Variants in LIPA observed in about 807,000 individuals in gnomAD.
The protein encoded by LIPA is lipase A, lysosomal acid type, also known as lysosomal acid lipase/cholesteryl ester hydrolase.
LIPA carries 26 observed loss-of-function variants against 40.6 expected under a neutral mutation model. The observed-to-expected ratio is 0.64, with a 90% CI of 0.47 to 0.89. LIPA has a LOEUF of 0.89. Among genes scored for constraint, LIPA ranks in the 40% least tolerant of loss-of-function variants. LIPA has a pLI of 0.00. For synonymous variants in LIPA, 188 were observed against 168.4 expected (o/e 1.12, Z -0.90); for missense variants, 455 against 479.6 (o/e 0.95, Z 0.48).
In LIPA at chr10:89,385,717, C is replaced by A. The variant is rs143180274; in HGVS notation, c.61+27074G>T. ...GGGACCTGCTGGTCAGTGAGCCAAG[C>A]CTTATAATAAATTCAAATTTTTGTT... is the stretch of plus-strand genomic sequence containing the variant. On this transcript the variant is annotated intron_variant, in intron 2 of 8. Transcript: ENST00000371837. 5.4e-3 allele frequency among the ~76,000 whole-genome samples: 818 copies of A among 152,264 alleles called. 10 individuals carry two copies. The highest frequency in any genetic ancestry group is 0.017 in the African/African-American group (698 of 41,554).
intron 1 of LIPA, among the ~76,000 whole-genome samples, chr10:89,286,654 T>C (rs1458180897): frequency 6.6e-6 from 1 of 152,214 alleles, no homozygotes; most frequent in Non-Finnish European, 1.5e-5. Context: ...TTTACAGCCC[T>C]AGACCCTGAA....
At chr10:89,336,785 C>G (rs948098170) in intron 1 of LIPA, among the ~76,000 whole-genome samples, 2 of 152,022 alleles carry the variant, frequency 1.3e-5, no homozygotes, top group Non-Finnish European at 2.9e-5. Context: ...CTGTGAAATC[C>G]AAAAATAAGG....
intron 3 of LIPA, among the ~76,000 whole-genome samples, chr10:89,240,981 AT>A (rs1842958700): frequency 6.6e-6 from 1 of 152,190 alleles, no homozygotes; most frequent in African/African-American, 2.4e-5. Context: ...CACACACATC[AT>A]CACCTACATA....
At chr10:89,312,911 G>A (rs1252419061) in intron 1 of LIPA, among the ~76,000 whole-genome samples, 3 of 152,062 alleles carry the variant, frequency 2.0e-5, no homozygotes, top group East Asian at 3.8e-4. Flanking sequence ...GCAGGAATGA[G>A]AGCAAATTAT....
intron 1 of LIPA, among the ~76,000 whole-genome samples, chr10:89,276,766 T>A (rs972877882): frequency 2.0e-5 from 3 of 152,230 alleles, no homozygotes; most frequent in Non-Finnish European, 2.9e-5. Flanking sequence ...ATGTATAAAG[T>A]CATTTAATCC....
intron 3 of LIPA, among the ~76,000 whole-genome samples, chr10:89,231,061 CCATGA>C: frequency 6.6e-6 from 1 of 152,244 alleles, no homozygotes; most frequent in Non-Finnish European, 1.5e-5. Flanking sequence ...TATCCATCAA[CCATGA>C]CAAGGACAGT....
rs1284856761 is a variant in LIPA, at chr10:89,213,619, T to C, written c.*1209A>G. On this transcript the variant is annotated 3_prime_UTR_variant, in exon 10 of 10. Coordinates refer to ENST00000336233, the MANE Select transcript of LIPA (RefSeq NM_000235.4). ...AATTTTATTGAAAAGTTTAAGACTT[T>C]AAAAGTTACAAAGTAGTATTCGCCC... is the stretch of plus-strand genomic sequence containing the variant. 2 of 152,308 alleles carry C rather than the reference T, an allele frequency of 1.3e-5. No homozygotes were observed. Among genetic ancestry groups the C allele is most frequent in the Non-Finnish European group, 2.9e-5 (2 of 68,104 alleles). 9.4% of individuals were successfully genotyped at this position (152,308 alleles called of 1,614,324 possible).
rs774475927 is a variant in LIPA at position 89,226,847 on chromosome 10, CT to C, written c.538+47del. The C allele has an allele frequency of 7.2e-6, 8 of 1,103,514 alleles. No homozygotes were observed. In the South Asian group the frequency reaches 9.9e-5, roughly 14 times the overall value. 68.4% of individuals were successfully genotyped at this position (1,103,514 alleles called of 1,614,324 possible). On this transcript the variant is annotated intron_variant, in intron 5 of 9. Coordinates refer to ENST00000336233, the MANE Select transcript of LIPA (RefSeq NM_000235.4). ...TTCACTTTTAAGAAAAGTACAAACT[CT>C]GTAATGAAGAATTTATATCAACTTC...
chr10:89,290,688 CA>C (rs1175122567), intron 1 of LIPA, among the ~76,000 whole-genome samples: 1 of 152,224 alleles, frequency 6.6e-6, no homozygotes, highest in African/African-American at 2.4e-5. Context: ...CCGCACTGAG[CA>C]CCTGGTGACC....
At chr10:89,359,831 A>ACACG (rs1470888231) in intron 2 of LIPA, among the ~76,000 whole-genome samples, 1 of 151,228 alleles carries the variant, frequency 6.6e-6, no homozygotes, top group African/African-American at 2.4e-5. Flanking sequence ...ACACACACAC[A>ACACG]CACACACACA....
chr10:89,334,967 G>A (rs1843712985), intron 1 of LIPA, among the ~76,000 whole-genome samples: 1 of 152,164 alleles, frequency 6.6e-6, no homozygotes. Context: ...CTTGGCAATT[G>A]GAGTATTTGT....
intron 3 of LIPA, among the ~76,000 whole-genome samples, chr10:89,244,305 C>T (rs1842997813): frequency 6.6e-6 from 1 of 152,188 alleles, no homozygotes; most frequent in Non-Finnish European, 1.5e-5. Flanking sequence ...ACAATGCTCA[C>T]ATTAACACAA....
chr10:89,402,968 A>T, intron 2 of LIPA: 1 of 1,614,140 alleles, frequency 6.2e-7, no homozygotes. Flanking sequence ...AGGATGAAGG[A>T]CAGGAAGCTG....
intron 1 of LIPA, among the ~76,000 whole-genome samples, chr10:89,279,364 G>A (rs191702365): frequency 2.6e-5 from 4 of 152,326 alleles, no homozygotes; most frequent in African/African-American, 9.6e-5. Flanking sequence ...GAATGAATTA[G>A]CAGATAAATG....
At position 89,228,698 on chromosome 10, in the gene LIPA, T is replaced by C. The variant is rs560545675; in HGVS notation, c.230-300A>G. 2.7e-3 allele frequency among the ~76,000 whole-genome samples: 409 copies of C among 152,324 alleles called. 2 individuals are homozygous for C. The highest frequency in any genetic ancestry group is 4.6e-3 in the Non-Finnish European group (311 of 68,030). ...AAGAAATTATAAAATGTTTTTACAATTTTTTTCTTATAAAATGTTTTTACA... is the reference window on the plus strand; with the variant it reads ...AAGAAATTATAAAATGTTTTTACAACTTTTTTCTTATAAAATGTTTTTACA... On this transcript the variant is annotated intron_variant, in intron 3 of 9. Transcript: ENST00000336233.
intron 1 of LIPA, among the ~76,000 whole-genome samples, chr10:89,283,369 T>G (rs911073531): frequency 4.6e-5 from 7 of 152,236 alleles, no homozygotes; most frequent in South Asian, 2.1e-4. Context: ...GAAGTCTGCC[T>G]GATTGGTGAA....
intron 3 of LIPA, among the ~76,000 whole-genome samples, chr10:89,230,856 CGT>C (rs1564757107): frequency 2.6e-5 from 4 of 152,166 alleles, no homozygotes; most frequent in South Asian, 4.1e-4. Flanking sequence ...AACCAGTCTG[CGT>C]CTCAGTTCCA....
intron 1 of LIPA, chr10:89,309,063 C>T (rs1444888339): frequency 6.6e-6 from 1 of 152,172 alleles, no homozygotes; most frequent in African/African-American, 2.4e-5. Flanking sequence ...CTGAACAGAA[C>T]AAAACTTTTT....
exon 2 of LIPA, chr10:89,412,885 G>A (rs1347837481): frequency 2.2e-5 from 6 of 268,628 alleles, no homozygotes; most frequent in South Asian, 1.2e-4. Context: ...GCGAGAGTCC[G>A]CAGCTTCATT....
Sources: allele counts gnomAD v4.1 joint callset (sites outside exome capture counted in the v4.1 genomes callset), GRCh38; gene constraint gnomAD v4.1.1; transcripts MANE v1.5; gene names NCBI Gene and HGNC (gene_info 2026-07-23, HGNC 2026-07-21).